The following CPSF6 variants were observed in gnomAD, a reference collection of about 807,000 sequenced individuals.
CPSF6 encodes the protein cleavage and polyadenylation specificity factor subunit 6.
CPSF6 carries 10 observed loss-of-function variants against 56.7 expected under a neutral mutation model. The observed-to-expected ratio is 0.18, with a 90% CI of 0.11 to 0.30. CPSF6 has a LOEUF of 0.30. Among genes scored for constraint, CPSF6 ranks in the 10% least tolerant of loss-of-function variants. The pLI is 1.00. For synonymous variants in CPSF6, 248 were observed against 244.8 expected (o/e 1.01, Z -0.12); for missense variants, 419 against 722.9 (o/e 0.58, Z 4.82).
At chr12:69,250,954 A>T in intron 1 of CPSF6, 175 bp from the exon 2 acceptor site, 1 of 234,610 alleles carries the variant, frequency 4.3e-6, no homozygotes, top group Non-Finnish European at 7.0e-6. Context: ...CAAGAAATTC[A>T]CTTTTTAGAC....
chr12:69,246,974 A>T (rs1401283148), intron 1 of CPSF6, among the ~76,000 whole-genome samples: 2 of 152,142 alleles, frequency 1.3e-5, no homozygotes, highest in South Asian at 4.1e-4. Flanking sequence ...CTCGAATGAT[A>T]TTACTGTAAT....
At chr12:69,268,508 G>A (rs542932425) in intron 9 of CPSF6, among the ~76,000 whole-genome samples, 4 of 151,758 alleles carry the variant, frequency 2.6e-5, no homozygotes, top group African/African-American at 9.6e-5. Context: ...GTATTTTTCA[G>A]TTATTTTTAT....
rs545578086 is a variant in CPSF6 at position 69,250,746 on chromosome 12, A to G, written c.61-383A>G. On this transcript the variant is annotated intron_variant, in intron 1 of 9. Transcript: ENST00000435070. ...ACTACAACCTCCGCCTCCCAGGTTCAAGCGATTCTCCTGCCTCAGCCTCCT... is the reference window on the plus strand; with the variant it reads ...ACTACAACCTCCGCCTCCCAGGTTCGAGCGATTCTCCTGCCTCAGCCTCCT... 7.2e-5 allele frequency among the ~76,000 whole-genome samples: 11 copies of G among 152,170 alleles called. No homozygotes were observed. The South Asian group carries it at 2.3e-3, about 32-fold the overall frequency.
Position 69,256,812 on chromosome 12 carries a change from C to T in CPSF6, c.490C>T (p.Leu164=), listed in dbSNP as rs1186934716. The change falls in exon 4 of 10, where the codon CTG becomes TTG. Residue 164 remains leucine, a synonymous_variant. Transcript: ENST00000435070. The part of the protein sequence containing the change: ...PVVTPCNKQF[L]SQFEMQSRKT... ...TGTAACTCCATGCAATAAACAGTTCCTGAGTCAATTTGAAATGCAGTCCAG... is the reference window on the plus strand; with the variant it reads ...TGTAACTCCATGCAATAAACAGTTCTTGAGTCAATTTGAAATGCAGTCCAG... 2 of 1,610,246 alleles carry T rather than the reference C, an allele frequency of 1.2e-6. No homozygotes were observed. The highest frequency in any genetic ancestry group is 1.7e-6 in the Non-Finnish European group (2 of 1,179,016).
chr12:69,239,634 A>C lies in CPSF6; in HGVS notation c.-13A>C. The C allele has an allele frequency of 6.4e-7, 1 of 1,567,852 alleles. No homozygotes were observed. Among genetic ancestry groups the C allele is most frequent in the Non-Finnish European group, 8.6e-7 (1 of 1,159,100 alleles). ...GAGGCGGCGGCGGCGGCGGCGGCCG[A>C]GGCTGAAGGAAGATGGCGGACGGCG... is the stretch of plus-strand genomic sequence containing the variant. On this transcript the variant is annotated 5_prime_UTR_variant, in exon 1 of 10. Transcript: ENST00000435070.
intron 9 of CPSF6, among the ~76,000 whole-genome samples, chr12:69,267,390 G>A (rs780784880): frequency 6.6e-6 from 1 of 151,906 alleles, no homozygotes; most frequent in African/African-American, 2.4e-5. Context: ...TATTAAAAAG[G>A]TGTAGATTCC....
intron 9 of CPSF6, among the ~76,000 whole-genome samples, chr12:69,263,216 C>T (rs940098825): frequency 1.3e-5 from 2 of 151,948 alleles, no homozygotes; most frequent in African/African-American, 4.8e-5. Context: ...TTAGGGTGCA[C>T]TGATTTATAT....
Position 69,274,127 on chromosome 12 carries a change from T to C in CPSF6, c.*4619T>C, listed in dbSNP as rs1592818859. 3 of 149,796 alleles carry C rather than the reference T, an allele frequency of 2.0e-5. No homozygotes were observed. 9.3% of individuals were successfully genotyped at this position (149,796 alleles called of 1,614,324 possible). A position where few individuals can be genotyped will look rare whatever the true frequency, so the allele number is the denominator to read the frequency against. On this transcript the variant is annotated 3_prime_UTR_variant, in exon 10 of 10. Transcript: ENST00000435070. ...TAATAGACTTTTTTTTTTTTTTTTT[T>C]GCTGTCCATGAGAATTAGACTTCAT...
rs562395921 is a variant in CPSF6, at chr12:69,264,752, A to T, written c.*3+2190A>T. The stretch of plus-strand genomic sequence containing the variant: ...AACAGTATTGTGGATGTAGACTTGA[A>T]TAAAGGGGTGGGGACTGGGATTAAA... On this transcript the variant is annotated intron_variant, in intron 9 of 9. Coordinates refer to ENST00000435070, the MANE Select transcript of CPSF6 (RefSeq NM_007007.3). 2.6e-5 allele frequency among the ~76,000 whole-genome samples: 4 copies of T among 152,290 alleles called. No homozygotes were observed. In the South Asian group the frequency reaches 8.3e-4, roughly 32 times the overall value.
intron 2 of CPSF6, among the ~76,000 whole-genome samples, chr12:69,252,475 CTAAG>C (rs1418500427): frequency 6.6e-6 from 1 of 152,044 alleles, no homozygotes; most frequent in East Asian, 1.9e-4. Context: ...AGTATGGTTG[CTAAG>C]TAAGTATTTG....
intron 8 of CPSF6, among the ~76,000 whole-genome samples, chr12:69,261,426 C>G (rs1872736110): frequency 6.6e-6 from 1 of 150,656 alleles, no homozygotes; most frequent in South Asian, 2.1e-4. Context: ...ATATCTGGGC[C>G]TGGTGGTGCA....
chr12:69,242,122 C>A (rs1258819646), intron 1 of CPSF6, among the ~76,000 whole-genome samples: 1 of 151,978 alleles, frequency 6.6e-6, no homozygotes, highest in Non-Finnish European at 1.5e-5. Context: ...TAGACTAGAA[C>A]TCTTGTTTTA....
At chr12:69,269,243 CTA>C (rs1003112241) in intron 9 of CPSF6, among the ~76,000 whole-genome samples, 3 of 151,698 alleles carry the variant, frequency 2.0e-5, no homozygotes, top group African/African-American at 7.3e-5. Context: ...ACAGTAGCTG[CTA>C]TGTTTTCATT....
At position 69,262,580 on chromosome 12, in the gene CPSF6, C is replaced by A. The variant is rs1565650041; in HGVS notation, c.*3+18C>A. 1.3e-6 allele frequency: 2 copies of A among 1,594,268 alleles called. No individual in the cohort carries two copies. The highest frequency in any genetic ancestry group is 8.6e-7 in the Non-Finnish European group (1 of 1,169,432). ...GTTAGAAGGTGGGTATTCCTTGTTCCCTGTTAAATGTGTGTGTATTCTTAA... is the reference window on the plus strand; with the variant it reads ...GTTAGAAGGTGGGTATTCCTTGTTCACTGTTAAATGTGTGTGTATTCTTAA... On this transcript the variant is annotated intron_variant, in intron 9 of 9. Coordinates refer to ENST00000435070, the MANE Select transcript of CPSF6 (RefSeq NM_007007.3).
rs1024211546 is a variant in CPSF6 at position 69,251,179 on chromosome 12, A to G, written c.111A>G (p.Ile37Met). 2 of 1,613,186 alleles carry G rather than the reference A, an allele frequency of 1.2e-6. No individual in the cohort carries two copies. Among genetic ancestry groups the G allele is most frequent in the Non-Finnish European group, 1.7e-6 (2 of 1,179,782 alleles). ...HDQIDLYDDV[I>M]SPSANNGDAP... ...AGATAGATTTGTATGACGATGTCAT[A>G]TCTCCATCTGCAAATAATGGAGATG... Residue 37 changes from isoleucine to methionine, a missense_variant, in exon 2 of 10, where the codon ATA (isoleucine) becomes ATG (methionine). Ile to Met is a conservative substitution (Grantham distance 10). Coordinates refer to ENST00000435070, the MANE Select transcript of CPSF6 (RefSeq NM_007007.3).
chr12:69,241,976 T>G (rs1447811845), intron 1 of CPSF6, among the ~76,000 whole-genome samples: 5 of 151,946 alleles, frequency 3.3e-5, no homozygotes, highest in African/African-American at 1.2e-4. Flanking sequence ...TCAGAGCTTA[T>G]CTTGTTTTTA....
chr12:69,240,695 A>G (rs1425865204), intron 1 of CPSF6, among the ~76,000 whole-genome samples: 3 of 59,632 alleles, frequency 5.0e-5, no homozygotes, highest in Non-Finnish European at 7.2e-5. Context: ...CCCCACCCCC[A>G]CCCCCGGGCC....
At chr12:69,242,309 G>C (rs530032123) in intron 1 of CPSF6, among the ~76,000 whole-genome samples, 1 of 151,996 alleles carries the variant, frequency 6.6e-6, no homozygotes, top group East Asian at 1.9e-4. Context: ...TTTTTTGTCT[G>C]TATCCTGCTG....
chr12:69,240,540 T>C (rs1871560097), intron 1 of CPSF6, among the ~76,000 whole-genome samples: 1 of 152,278 alleles, frequency 6.6e-6, no homozygotes, highest in East Asian at 1.9e-4. Flanking sequence ...AGCGCGATGG[T>C]TGGATGGAAC....
Sources: gnomAD v4.1 joint callset for allele counts (sites outside exome capture counted in the v4.1 genomes callset) on GRCh38, gnomAD v4.1.1 for gene constraint, MANE v1.5 for transcripts, NCBI Gene and HGNC (gene_info 2026-07-23, HGNC 2026-07-21) for gene names.